Variants in CAPN13 observed in about 807,000 individuals in gnomAD.
CAPN13 encodes calpain 13.
Under a neutral mutation model 98.4 loss-of-function variants are expected in CAPN13, and 90 were observed. The ratio of observed to expected loss-of-function variants is 0.92; its 90% confidence interval spans 0.77 to 1.09. CAPN13 has a LOEUF of 1.09. Among genes scored for constraint, CAPN13 ranks in the 50% least tolerant of loss-of-function variants. The probability of loss-of-function intolerance (pLI) is 0.00; values close to 1 mark genes in which losing one functional copy is unlikely to be tolerated. For synonymous variants in CAPN13, 330 were observed against 305.5 expected, an observed-to-expected ratio of 1.08 and a Z score of -0.84; for missense variants, 887 against 841.3, an observed-to-expected ratio of 1.05 and a Z score of -0.67.
In CAPN13 at chr2:30,744,726, G is replaced by A. The variant is rs116816705; in HGVS notation, c.1248+997C>T. Among the ~76,000 whole-genome samples the A allele has an allele frequency of 2.6e-3, 394 of 152,272 alleles. 4 individuals carry two copies. Among genetic ancestry groups the A allele is most frequent in the African/African-American group, 9.1e-3 (379 of 41,546 alleles). ...GGCAGTGAGAAGTGTGAGTGTGGGG[G>A]AACAACGTGGGGGTTCTTGGTCAAT... On this transcript the variant is annotated intron_variant, in intron 12 of 22. Coordinates refer to ENST00000295055, the MANE Select transcript of CAPN13 (RefSeq NM_144575.3).
chr2:30,795,983 C>G (rs796939944), intron 1 of CAPN13, among the ~76,000 whole-genome samples: 8 of 151,538 alleles, frequency 5.3e-5, no homozygotes, highest in African/African-American at 1.7e-4. Flanking sequence ...CTGAAATAGA[C>G]TTGCAGAGAA....
rs1449581554 is a variant in CAPN13, at chr2:30,751,214, C to A, written c.1125G>T (p.Val375=). The part of the protein sequence containing the change: ...PRNDAQFNFS[V]QEPMEGTNVV... ...CATTGGTGCCTTCCATTGGCTCTTGCACAGAGAAGTTGAATTGAGCATCAT... is the reference window on the plus strand; with the variant it reads ...CATTGGTGCCTTCCATTGGCTCTTGAACAGAGAAGTTGAATTGAGCATCAT... Residue 375 remains valine, a synonymous_variant, in exon 11 of 23, where the codon GTG becomes GTT. Coordinates refer to ENST00000295055, the MANE Select transcript of CAPN13 (RefSeq NM_144575.3). 6.2e-7 allele frequency: 1 copy of A among 1,613,946 alleles called. No individual in the cohort carries two copies. Among genetic ancestry groups the A allele is most frequent in the Non-Finnish European group, 8.5e-7 (1 of 1,179,888 alleles).
chr2:30,792,411 T>C (rs1674648057), intron 1 of CAPN13, among the ~76,000 whole-genome samples: 1 of 152,104 alleles, frequency 6.6e-6, no homozygotes, highest in Non-Finnish European at 1.5e-5. Context: ...AAAGGGCTAA[T>C]AAGAGAATAC....
intron 7 of CAPN13, among the ~76,000 whole-genome samples, 180 bp from the exon 8 acceptor site, chr2:30,758,317 G>T (rs767593144): frequency 3.9e-5 from 6 of 152,158 alleles, no homozygotes; most frequent in South Asian, 2.1e-4. Flanking sequence ...CCTGCATGGC[G>T]TTGGAATGAG....
At chr2:30,800,098 G>GAAAGAAAGA (rs1319698444) in intron 1 of CAPN13, among the ~76,000 whole-genome samples, 32 of 100,566 alleles carry the variant, frequency 3.2e-4, no homozygotes, top group Admixed American at 7.8e-4. Flanking sequence ...AGAAAGAAAA[G>GAAAGAAAGA]AAAGAAAGAA....
At chr2:30,734,653 G>T in intron 18 of CAPN13, 129 bp from the exon 19 acceptor site, 1 of 724,502 alleles carries the variant, frequency 1.4e-6, no homozygotes, top group Non-Finnish European at 2.4e-6. Flanking sequence ...GGACTGGGAG[G>T]ACACAGTGGC....
intron 2 of CAPN13, among the ~76,000 whole-genome samples, chr2:30,781,094 A>T (rs1673963252): frequency 6.6e-6 from 1 of 152,218 alleles, no homozygotes; most frequent in African/African-American, 2.4e-5. Context: ...TTGATTTCAC[A>T]GGTCATTCAG....
In CAPN13 at chr2:30,775,894, C is replaced by G. The variant is rs756713860; in HGVS notation, c.387+36G>C. Reference sequence around the variant, plus strand: ...CACCTTCCCTGTACTCACAGAGAACCCCATCATATAATGAGCGCTGCAAGG... The same window carrying G: ...CACCTTCCCTGTACTCACAGAGAACGCCATCATATAATGAGCGCTGCAAGG... On this transcript the variant is annotated intron_variant, in intron 4 of 22. Transcript: ENST00000295055. 6.8e-6 allele frequency: 10 copies of G among 1,478,138 alleles called. No individual in the cohort carries two copies. The East Asian group carries it at 2.1e-4, about 31-fold the overall frequency. The allele number at this position is 1,478,138 out of a possible 1,614,324, so 91.6% of individuals were successfully genotyped here.
At chr2:30,778,248 C>T (rs1428261465) in intron 2 of CAPN13, among the ~76,000 whole-genome samples, 1 of 152,200 alleles carries the variant, frequency 6.6e-6, no homozygotes, top group East Asian at 1.9e-4. Context: ...CCTTCCTTAA[C>T]TTCTAACACA....
chr2:30,738,007 C>T, intron 17 of CAPN13: 1 of 516,804 alleles, frequency 1.9e-6, no homozygotes, highest in Non-Finnish European at 3.6e-6. Flanking sequence ...ACACACACAC[C>T]CCAGTACACT....
At chr2:30,756,887 C>T (rs368476349) in intron 8 of CAPN13, among the ~76,000 whole-genome samples, 9 of 152,142 alleles carry the variant, frequency 5.9e-5, no homozygotes, top group East Asian at 3.9e-4. Flanking sequence ...ATTCCATCTC[C>T]GCTTACCTCG....
At chr2:30,775,869 C>A in intron 4 of CAPN13, 61 bp downstream of exon 4, 1 of 1,224,914 alleles carries the variant, frequency 8.2e-7, no homozygotes, top group South Asian at 1.9e-5. Flanking sequence ...TTAAGACTTT[C>A]ACCTTCCCTG....
intron 18 of CAPN13, among the ~76,000 whole-genome samples, chr2:30,734,909 GC>G (rs1671282464): frequency 6.6e-6 from 1 of 152,170 alleles, no homozygotes; most frequent in Non-Finnish European, 1.5e-5. Context: ...ATTACCTTTG[GC>G]CATGACTTAA....
chr2:30,767,415 T>G (rs925738247), intron 5 of CAPN13, among the ~76,000 whole-genome samples: 11 of 152,218 alleles, frequency 7.2e-5, no homozygotes, highest in African/African-American at 1.9e-4. Context: ...TCAAGCTGAA[T>G]GATTGCTTGA....
intron 2 of CAPN13, among the ~76,000 whole-genome samples, chr2:30,782,036 TG>T (rs1211083234): frequency 6.6e-6 from 1 of 152,208 alleles, no homozygotes; most frequent in African/African-American, 2.4e-5. Flanking sequence ...CAGGCAAAGC[TG>T]GGGGGTAATC....
In CAPN13 at chr2:30,738,070, TG is replaced by T; in HGVS notation, c.1653+164del. The T allele has an allele frequency of 4.3e-6, 3 of 696,766 alleles. No homozygotes were observed. The South Asian group carries it at 5.0e-5, about 12-fold the overall frequency. 43.2% of individuals were successfully genotyped at this position (696,766 alleles called of 1,614,324 possible). ...ATGGTAACTATTATCATTGTTGCTG[TG>T]GTATGTTAGTGAGTTAGTAGAGAAT... On this transcript the variant is annotated intron_variant, in intron 17 of 22. Transcript: ENST00000295055.
intron 1 of CAPN13, among the ~76,000 whole-genome samples, chr2:30,796,916 TA>T (rs1382964704): frequency 6.6e-6 from 1 of 152,200 alleles, no homozygotes; most frequent in Non-Finnish European, 1.5e-5. Flanking sequence ...CTCTCAATGG[TA>T]TCTGAAAATG....
chr2:30,741,698 C>G (rs1671665530), intron 15 of CAPN13: 1 of 1,412,582 alleles, frequency 7.1e-7, no homozygotes, highest in African/African-American at 1.4e-5. Flanking sequence ...AGCTTGAAGT[C>G]CCCCGGATGA....
intron 11 of CAPN13, 43 bp downstream of exon 11, chr2:30,751,060 A>C (rs761987493): frequency 6.2e-6 from 10 of 1,603,488 alleles, no homozygotes; most frequent in Non-Finnish European, 8.5e-6. Flanking sequence ...CAAGGTTTAC[A>C]CTAAATTTCT....
Sources: allele counts gnomAD v4.1 joint callset (sites outside exome capture counted in the v4.1 genomes callset), GRCh38; gene constraint gnomAD v4.1.1; transcripts MANE v1.5; gene names NCBI Gene and HGNC (gene_info 2026-07-23, HGNC 2026-07-21).